FAM110B: variants seen among roughly 807,000 people sequenced by gnomAD.
FAM110B encodes protein FAM110B.
In FAM110B, 6 loss-of-function variants were observed where a neutral mutation model predicts 20.4. That is an observed-to-expected ratio of 0.29 (90% CI 0.16 to 0.58). The LOEUF is 0.58. Ranked by LOEUF, FAM110B falls within the 20% of genes least tolerant of loss-of-function variation. FAM110B has a pLI of 0.90. For missense variants in FAM110B, 434 were observed against 498.2 expected (o/e 0.87, Z 1.23); for synonymous variants, 226 against 214.1 (o/e 1.06, Z -0.49).
chr8:58,125,441 A>G (rs1268054931), intron 3 of FAM110B, among the ~76,000 whole-genome samples: 2 of 152,260 alleles, frequency 1.3e-5, no homozygotes, highest in Non-Finnish European at 2.9e-5. Flanking sequence ...TCAATTTAAT[A>G]TCCTCATAGA....
At chr8:58,012,791 A>T (rs974810208) in intron 1 of FAM110B, among the ~76,000 whole-genome samples, 2 of 152,170 alleles carry the variant, frequency 1.3e-5, no homozygotes, top group African/African-American at 4.8e-5. Context: ...TGGTGCAAAG[A>T]TGTATTCTTC....
intron 3 of FAM110B, among the ~76,000 whole-genome samples, chr8:58,076,632 T>C (rs371449699): frequency 7.9e-5 from 12 of 152,194 alleles, no homozygotes; most frequent in South Asian, 6.2e-4. Flanking sequence ...AAAGTACAGA[T>C]GATTCCCTCT....
chr8:58,015,006 A>T (rs1804608932), intron 1 of FAM110B, among the ~76,000 whole-genome samples: 1 of 152,186 alleles, frequency 6.6e-6, no homozygotes. Flanking sequence ...TAATTGTTTT[A>T]GTTGATGAGT....
intron 1 of FAM110B, among the ~76,000 whole-genome samples, chr8:58,002,975 A>G (rs1490633618): frequency 6.6e-6 from 1 of 152,228 alleles, no homozygotes; most frequent in Non-Finnish European, 1.5e-5. Context: ...AGATTTCTCT[A>G]GAGCATGTGT....
intron 2 of FAM110B, among the ~76,000 whole-genome samples, chr8:58,056,801 A>G (rs939519728): frequency 6.6e-6 from 1 of 152,086 alleles, no homozygotes; most frequent in African/African-American, 2.4e-5. Flanking sequence ...CAGTATGGTA[A>G]TGGTGGGTCC....
chr8:58,044,872 G>T (rs912605868), intron 2 of FAM110B, among the ~76,000 whole-genome samples: 1 of 152,104 alleles, frequency 6.6e-6, no homozygotes. Flanking sequence ...GTGAAACAGA[G>T]CCCTCAAACT....
Position 58,146,569 on chromosome 8 carries a change from G to A in FAM110B, c.339G>A (p.Arg113=), listed in dbSNP as rs1410821630. The A allele has an allele frequency of 6.2e-7, 1 of 1,614,006 alleles. No homozygotes were observed. The highest frequency in any genetic ancestry group is 1.7e-5 in the Admixed American group (1 of 60,018). Reference sequence around the variant, plus strand: ...CCAAGACCGAGAGCGGCGTGCAGAGGGAGAACCTGAAGCTGGAGATCCTGA... The same window carrying A: ...CCAAGACCGAGAGCGGCGTGCAGAGAGAGAACCTGAAGCTGGAGATCCTGA... The part of the protein sequence containing the change: ...NHAKTESGVQ[R]ENLKLEILKN... The change falls in exon 4 of 4, where the codon AGG becomes AGA. Residue 113 remains arginine (R), a synonymous_variant. Transcript: ENST00000519262.
chr8:58,129,534 A>G (rs766158725), intron 3 of FAM110B, among the ~76,000 whole-genome samples: 13 of 152,196 alleles, frequency 8.5e-5, no homozygotes, highest in Non-Finnish European at 1.3e-4. Flanking sequence ...GCTCCTGTCC[A>G]GTGGTTCCCT....
At chr8:58,015,084 G>C (rs1015946262) in intron 1 of FAM110B, among the ~76,000 whole-genome samples, 2 of 152,184 alleles carry the variant, frequency 1.3e-5, no homozygotes, top group Non-Finnish European at 2.9e-5. Flanking sequence ...AGCCGGGTGC[G>C]ATGGCTCACG....
intron 3 of FAM110B, among the ~76,000 whole-genome samples, 172 bp from the exon 4 acceptor site, chr8:58,145,735 G>T (rs1803847526): frequency 6.6e-6 from 1 of 152,218 alleles, no homozygotes; most frequent in Non-Finnish European, 1.5e-5. Flanking sequence ...GCAGGCGGGG[G>T]CGCAAGGCCC....
chr8:58,027,068 T>C (rs778117354), intron 1 of FAM110B, among the ~76,000 whole-genome samples: 31 of 152,178 alleles, frequency 2.0e-4, no homozygotes, highest in Non-Finnish European at 3.8e-4. Context: ...CCAGGGACCT[T>C]AGGCTACATC....
intron 2 of FAM110B, among the ~76,000 whole-genome samples, chr8:58,054,926 T>A (rs919675835): frequency 6.6e-6 from 1 of 152,094 alleles, no homozygotes; most frequent in African/African-American, 2.4e-5. Context: ...TCTTTTTTTT[T>A]AACCTGATAT....
At chr8:58,026,749 G>A (rs1229085783) in intron 1 of FAM110B, among the ~76,000 whole-genome samples, 2 of 152,140 alleles carry the variant, frequency 1.3e-5, no homozygotes, top group African/African-American at 4.8e-5. Context: ...AAGAGGTAAA[G>A]GTAGTGCAGA....
intron 1 of FAM110B, among the ~76,000 whole-genome samples, chr8:57,995,751 G>A (rs912424083): frequency 4.6e-5 from 7 of 152,180 alleles, no homozygotes; most frequent in African/African-American, 1.7e-4. Context: ...CAGATTTATT[G>A]ACACACACAC....
At chr8:58,145,067 T>A (rs1265044873) in intron 3 of FAM110B, among the ~76,000 whole-genome samples, 1 of 152,200 alleles carries the variant, frequency 6.6e-6, no homozygotes, top group African/African-American at 2.4e-5. Flanking sequence ...GTAGAGGATT[T>A]GGGAATATAC....
intron 1 of FAM110B, chr8:58,031,335 G>T (rs903787253): frequency 6.6e-6 from 1 of 152,132 alleles, no homozygotes; most frequent in Non-Finnish European, 1.5e-5. Flanking sequence ...GCAAAGCCGG[G>T]GTTCCCCAGG....
chr8:58,084,724 G>A (rs16923020), intron 3 of FAM110B, among the ~76,000 whole-genome samples: 29,539 of 151,988 alleles, frequency 0.19, 6,482 homozygotes, highest in African/African-American at 0.54. Context: ...TTCACTGGAA[G>A]TCTTACCACC....
intron 2 of FAM110B, among the ~76,000 whole-genome samples, chr8:58,062,615 G>A (rs1281130825): frequency 1.3e-5 from 2 of 152,146 alleles, no homozygotes; most frequent in Non-Finnish European, 2.9e-5. Flanking sequence ...GCCAGGATAG[G>A]CAGACACACT....
At chr8:58,142,089 A>AACC (rs1803755721) in intron 3 of FAM110B, among the ~76,000 whole-genome samples, 1 of 152,208 alleles carries the variant, frequency 6.6e-6, no homozygotes, top group Admixed American at 6.5e-5. Context: ...GGGAAGTTAG[A>AACC]AAGGTTCAGG....
Sources: gnomAD v4.1 joint callset for allele counts (sites outside exome capture counted in the v4.1 genomes callset) on GRCh38, gnomAD v4.1.1 for gene constraint, MANE v1.5 for transcripts, NCBI Gene and HGNC (gene_info 2026-07-23, HGNC 2026-07-21) for gene names.